PADI2: variants seen among roughly 807,000 people sequenced by gnomAD.
The protein encoded by PADI2 is protein-arginine deiminase type-2.
A neutral mutation model predicts 81.1 loss-of-function variants in PADI2; 70 were observed. The ratio of observed to expected loss-of-function variants is 0.86; its 90% CI spans 0.71 to 1.05. PADI2 has a LOEUF of 1.05. PADI2 is among the 50% of genes least tolerant of loss of function. The probability of loss-of-function intolerance (pLI) is 0.00; values close to 1 mark genes in which losing one functional copy is unlikely to be tolerated. For missense variants in PADI2, 853 were observed against 889.9 expected (o/e 0.96, Z 0.53); for synonymous variants, 338 against 358.0 (o/e 0.94, Z 0.63).
intron 2 of PADI2, 106 bp from the exon 3 acceptor site, chr1:17,103,165 C>T: frequency 1.3e-6 from 1 of 771,430 alleles, no homozygotes; most frequent in Non-Finnish European, 2.2e-6. Context: ...GCTTGTCAAG[C>T]CAACCCTCTC....
intron 11 of PADI2, among the ~76,000 whole-genome samples, chr1:17,077,245 G>T (rs1348503995): frequency 6.6e-6 from 1 of 152,114 alleles, no homozygotes; most frequent in Non-Finnish European, 1.5e-5. Flanking sequence ...CTTCTCCATT[G>T]CATGTATCAG....
At position 17,069,251 on chromosome 1, in the gene PADI2, G is replaced by A. The variant is rs1250515080; in HGVS notation, c.1791C>T (p.Asp597=). The change falls in exon 16 of 16, where the codon GAC becomes GAT. Residue 597 remains aspartate (D), a synonymous_variant. Transcript: ENST00000375486. The part of the protein sequence containing the change: ...NMVNMIVLDK[D]LGIPKPFGPQ... ...GCCCGAATGGCTTGGGGATGCCCAG[G>A]TCCTTGTCCAGCACGATCATGTTCA... 9 of 1,614,192 alleles carry A rather than the reference G, an allele frequency of 5.6e-6. No homozygotes were observed. Among genetic ancestry groups the A allele is most frequent in the Non-Finnish European group, 7.6e-6 (9 of 1,180,002 alleles).
chr1:17,104,431 C>CTTTTCTTTTT (rs1931271592), intron 2 of PADI2, among the ~76,000 whole-genome samples: 10 of 79,816 alleles, frequency 1.3e-4, no homozygotes, highest in South Asian at 5.4e-4. Flanking sequence ...TTTGCCTTTT[C>CTTTTCTTTTT]TTTTTTTTTT....
intron 6 of PADI2, among the ~76,000 whole-genome samples, chr1:17,090,869 A>C (rs1930667298): frequency 6.6e-6 from 1 of 152,072 alleles, no homozygotes; most frequent in African/African-American, 2.4e-5. Context: ...TTTAGCAAAA[A>C]GAAGAAACTT....
intron 14 of PADI2, 133 bp from the exon 15 acceptor site, chr1:17,070,349 C>A: frequency 2.7e-6 from 3 of 1,117,452 alleles, no homozygotes; most frequent in Non-Finnish European, 3.8e-6. Flanking sequence ...AGTCAGCGGG[C>A]GCCTCTGCAG....
chr1:17,084,669 C>T lies in PADI2; in HGVS notation c.868G>A (p.Val290Met), dbSNP rs150208111. Residue 290 changes from valine (V) to methionine (M), a missense_variant, in exon 8 of 16, where the codon GTG becomes ATG. By Grantham distance (21) the Val-to-Met change is conservative. Transcript: ENST00000375486. ...IPLTPIFTDT[V>M]IFRIAPWIMT... ...ATCCACGGAGCAATCCGGAATATCA[C>T]GGTGTCCGTGAAGATGGGAGTCAGG... The T allele has an allele frequency of 1.5e-5, 24 of 1,566,156 alleles. No individual in the cohort carries two copies. The highest frequency in any genetic ancestry group is 9.4e-5 in the South Asian group (8 of 84,860).
intron 8 of PADI2, 36 bp downstream of exon 8, chr1:17,084,563 G>A: frequency 7.2e-7 from 1 of 1,390,072 alleles, no homozygotes; most frequent in Non-Finnish European, 1.0e-6. Flanking sequence ...TGGCCACTCT[G>A]CCACGCTGCC....
chr1:17,110,037 C>A (rs964473381), intron 1 of PADI2, among the ~76,000 whole-genome samples: 3 of 152,184 alleles, frequency 2.0e-5, no homozygotes, highest in African/African-American at 7.2e-5. Flanking sequence ...CCAGCACCAG[C>A]CCTGTTCTGA....
Position 17,079,432 on chromosome 1 carries a change from C to T in PADI2, c.1159-17G>A. On this transcript the variant is annotated splice_polypyrimidine_tract_variant and intron_variant, in intron 10 of 15. Transcript: ENST00000375486. The stretch of plus-strand genomic sequence containing the variant: ...ATCTGGGCCCTAGGCAGAGGGCACA[C>T]ACCTGCGTTAGTCTTCTGCAGCCAG... 2 of 1,607,464 alleles carry T rather than the reference C, an allele frequency of 1.2e-6. No homozygotes were observed. Among genetic ancestry groups the T allele is most frequent in the South Asian group, 1.1e-5 (1 of 90,716 alleles).
At chr1:17,074,600 C>T (rs995978594) in intron 13 of PADI2, among the ~76,000 whole-genome samples, 7 of 152,158 alleles carry the variant, frequency 4.6e-5, no homozygotes, top group Admixed American at 1.3e-4. Context: ...TACGCTAGGG[C>T]TTGAAGATGC....
chr1:17,075,858 A>C (rs1557758374), intron 11 of PADI2, 35 bp from the exon 12 acceptor site: 1 of 1,603,176 alleles, frequency 6.2e-7, no homozygotes, highest in South Asian at 1.1e-5. Flanking sequence ...TCAGCAAATT[A>C]CCCACCGCAC....
chr1:17,072,840 T>G (rs562541368), intron 13 of PADI2, among the ~76,000 whole-genome samples: 1 of 152,278 alleles, frequency 6.6e-6, no homozygotes, highest in Non-Finnish European at 1.5e-5. Context: ...GGTCCCTATA[T>G]CCTATGGGTA....
At chr1:17,096,217 G>T (rs1406966241) in intron 3 of PADI2, among the ~76,000 whole-genome samples, 1 of 152,204 alleles carries the variant, frequency 6.6e-6, no homozygotes, top group Non-Finnish European at 1.5e-5. Flanking sequence ...GGAGGTCTGG[G>T]ACCTCCTACC....
chr1:17,117,081 T>C (rs192636165), intron 1 of PADI2, among the ~76,000 whole-genome samples: 1 of 152,300 alleles, frequency 6.6e-6, no homozygotes, highest in Admixed American at 6.5e-5. Flanking sequence ...AACATCCCGC[T>C]ACAACAAAGA....
chr1:17,077,915 G>A (rs527319974), intron 11 of PADI2, among the ~76,000 whole-genome samples: 32 of 152,236 alleles, frequency 2.1e-4, no homozygotes, highest in Non-Finnish European at 2.9e-4. Flanking sequence ...GGTCAACTGG[G>A]CAGGGAGTGA....
At chr1:17,095,777 A>C in intron 4 of PADI2, 132 bp downstream of exon 4, 1 of 646,534 alleles carries the variant, frequency 1.5e-6, no homozygotes, top group East Asian at 2.8e-5. Flanking sequence ...CATCATTGGT[A>C]TGCTGTGTGT....
intron 3 of PADI2, among the ~76,000 whole-genome samples, chr1:17,096,329 G>A (rs1277735431): frequency 6.6e-6 from 1 of 152,234 alleles, no homozygotes; most frequent in East Asian, 1.9e-4. Flanking sequence ...ACATAGGGAC[G>A]CTAGCAGAAC....
At chr1:17,069,865 A>G (rs993576825) in intron 15 of PADI2, among the ~76,000 whole-genome samples, 1 of 152,236 alleles carries the variant, frequency 6.6e-6, no homozygotes, top group African/African-American at 2.4e-5. Flanking sequence ...TCTGTTAAGG[A>G]AAAGGGTTCC....
chr1:17,088,919 A>AG (rs1297700250), intron 6 of PADI2, among the ~76,000 whole-genome samples: 1 of 98,980 alleles, frequency 1.0e-5, no homozygotes, highest in Admixed American at 1.5e-4. Context: ...AAAAAAAAAA[A>AG]AAAAAAAAAA....
Sources: allele counts gnomAD v4.1 joint callset (sites outside exome capture counted in the v4.1 genomes callset), GRCh38; gene constraint gnomAD v4.1.1; transcripts MANE v1.5; gene names NCBI Gene and HGNC (gene_info 2026-07-23, HGNC 2026-07-21).